OR2L3: variants seen among roughly 807,000 people sequenced by gnomAD.
OR2L3 encodes olfactory receptor 2L3.
For synonymous variants in OR2L3, 131 were observed against 139.1 expected, an observed-to-expected ratio of 0.94 and a Z score of 0.41; for missense variants, 369 against 376.6, an observed-to-expected ratio of 0.98 and a Z score of 0.17.
intron 1 of OR2L3, among the ~76,000 whole-genome samples, chr1:248,057,684 C>T (rs896949149): frequency 6.6e-6 from 1 of 152,056 alleles, no homozygotes; most frequent in Non-Finnish European, 1.5e-5. Flanking sequence ...TCAGCATTTT[C>T]TCATTTTCAA....
intron 1 of OR2L3, among the ~76,000 whole-genome samples, chr1:248,056,848 C>G (rs1296579202): frequency 6.6e-6 from 1 of 152,006 alleles, no homozygotes; most frequent in African/African-American, 2.4e-5. Context: ...CAGGGTTTCA[C>G]TGTGTTGCCC....
intron 1 of OR2L3, among the ~76,000 whole-genome samples, chr1:248,058,165 G>C (rs1275049157): frequency 6.6e-6 from 1 of 152,104 alleles, no homozygotes; most frequent in Non-Finnish European, 1.5e-5. Context: ...CATAGACATG[G>C]TCTCAGCAGA....
intron 1 of OR2L3, among the ~76,000 whole-genome samples, chr1:248,052,578 A>C (rs745843668): frequency 6.6e-6 from 1 of 152,078 alleles, no homozygotes; most frequent in Non-Finnish European, 1.5e-5. Flanking sequence ...AATACAAAAA[A>C]AAATTAGCTG....
chr1:248,053,574 G>A (rs957810534), intron 1 of OR2L3, among the ~76,000 whole-genome samples: 3 of 152,188 alleles, frequency 2.0e-5, no homozygotes, highest in African/African-American at 7.2e-5. Context: ...CCCACCAACA[G>A]TGTGAAAGCA....
At chr1:248,057,909 T>C (rs933776646) in intron 1 of OR2L3, among the ~76,000 whole-genome samples, 1 of 152,212 alleles carries the variant, frequency 6.6e-6, no homozygotes, top group Non-Finnish European at 1.5e-5. Context: ...TTATGTCATA[T>C]GCAAACAGAA....
chr1:248,052,340 G>T (rs953238926), intron 1 of OR2L3, among the ~76,000 whole-genome samples: 2 of 152,140 alleles, frequency 1.3e-5, no homozygotes, highest in East Asian at 3.8e-4. Flanking sequence ...TATATGAGAG[G>T]CTATTTCTTG....
At chr1:248,049,891 C>G (rs1461526574) in intron 1 of OR2L3, among the ~76,000 whole-genome samples, 6 of 152,006 alleles carry the variant, frequency 3.9e-5, no homozygotes, top group Non-Finnish European at 2.9e-5. Context: ...CACATTTATT[C>G]ACAGATATGT....
At chr1:248,053,445 T>C (rs1558200028) in intron 1 of OR2L3, among the ~76,000 whole-genome samples, 2 of 152,198 alleles carry the variant, frequency 1.3e-5, no homozygotes, top group South Asian at 2.1e-4. Context: ...AATAGAATAA[T>C]TTATATTCCT....
At chr1:248,060,426 G>A (rs1663584408) in intron 1 of OR2L3, among the ~76,000 whole-genome samples, 1 of 152,108 alleles carries the variant, frequency 6.6e-6, no homozygotes, top group South Asian at 2.1e-4. Flanking sequence ...GACATAATTT[G>A]TATTATAGTA....
intron 1 of OR2L3, among the ~76,000 whole-genome samples, chr1:248,057,363 C>T (rs771195392): frequency 6.6e-6 from 1 of 152,082 alleles, no homozygotes; most frequent in Non-Finnish European, 1.5e-5. Flanking sequence ...AAATTTTTGT[C>T]GAATTGAACT....
intron 1 of OR2L3, among the ~76,000 whole-genome samples, chr1:248,048,652 G>T (rs898606024): frequency 1.3e-5 from 2 of 152,152 alleles, no homozygotes; most frequent in Non-Finnish European, 2.9e-5. Flanking sequence ...AGCTTTTGCA[G>T]TGAAACTGAC....
chr1:248,058,018 A>G (rs915440326), intron 1 of OR2L3, among the ~76,000 whole-genome samples: 2 of 152,202 alleles, frequency 1.3e-5, no homozygotes, highest in African/African-American at 4.8e-5. Context: ...GTAGATGCAG[A>G]GAAAGTGGAC....
At chr1:248,056,216 C>T (rs1663428659) in intron 1 of OR2L3, among the ~76,000 whole-genome samples, 1 of 151,970 alleles carries the variant, frequency 6.6e-6, no homozygotes, top group Admixed American at 6.6e-5. Context: ...TACATGTGTA[C>T]AACGTGCAGG....
At position 248,061,123 on chromosome 1, in the gene OR2L3, T is replaced by C; in HGVS notation, c.442T>C (p.Trp148Arg). The C allele has an allele frequency of 6.2e-7, 1 of 1,613,864 alleles. No individual in the cohort carries two copies. The highest frequency in any genetic ancestry group is 8.5e-7 in the Non-Finnish European group (1 of 1,179,942). Residue 148 changes from tryptophan (W) to arginine (R), a missense_variant, in exon 2 of 2, where the codon TGG (tryptophan) becomes CGG (arginine). By Grantham distance (101) the Trp-to-Arg change is moderately radical. Coordinates refer to ENST00000359959, the MANE Select transcript of OR2L3 (RefSeq NM_001004687.2). The stretch of plus-strand genomic sequence containing the variant: ...GTGTGTGCTGATGATAACAGGGTCT[T>C]GGATCATAGGCTCGATCAATGCTTG... Reference protein sequence around the residue: ...RMCVLMITGSWIIGSINACAH... With the variant: ...RMCVLMITGSRIIGSINACAH...
chr1:248,061,557 G>A lies in OR2L3; in HGVS notation c.876G>A (p.Arg292=), dbSNP rs772101099. Residue 292 remains arginine, a synonymous_variant, in exon 2 of 2, where the codon AGG becomes AGA. Coordinates refer to ENST00000359959, the MANE Select transcript of OR2L3 (RefSeq NM_001004687.2). ...TCAACCCCATCATCTATAGCCTGAG[G>A]AACAAGGAGGTGATGGGGGCCCTGA... The part of the protein sequence containing the change: ...PMLNPIIYSL[R]NKEVMGALTR... 1.2e-6 allele frequency: 2 copies of A among 1,613,642 alleles called. No individual in the cohort carries two copies. Among genetic ancestry groups the A allele is most frequent in the African/African-American group, 1.3e-5 (1 of 74,834 alleles).
intron 1 of OR2L3, among the ~76,000 whole-genome samples, chr1:248,059,041 C>G (rs1386843157): frequency 6.6e-6 from 1 of 152,190 alleles, no homozygotes; most frequent in Non-Finnish European, 1.5e-5. Flanking sequence ...CGTAACATAT[C>G]ATACATCTCT....
At position 248,058,293 on chromosome 1, in the gene OR2L3, AT is replaced by A. The variant is rs143242293; in HGVS notation, c.-21-2367del. ...CCATGTATTTTCAGACAATACATTC[AT>A]CTGATAATGCTTGATTTTCTATATC... is the stretch of plus-strand genomic sequence containing the variant. On this transcript the variant is annotated intron_variant, in intron 1 of 1. Coordinates refer to ENST00000359959, the MANE Select transcript of OR2L3 (RefSeq NM_001004687.2). Among the ~76,000 whole-genome samples, 900 of 152,276 alleles carry A rather than the reference AT, an allele frequency of 5.9e-3. 17 individuals carry two copies. The highest frequency in any genetic ancestry group is 0.021 in the African/African-American group (862 of 41,546).
At chr1:248,047,518 G>A (rs1341491477) in intron 1 of OR2L3, among the ~76,000 whole-genome samples, 2 of 152,144 alleles carry the variant, frequency 1.3e-5, no homozygotes, top group Non-Finnish European at 2.9e-5. Context: ...AATAATGAAG[G>A]TAACCGTATG....
intron 1 of OR2L3, among the ~76,000 whole-genome samples, chr1:248,047,654 C>G (rs1246430206): frequency 2.0e-5 from 3 of 152,078 alleles, no homozygotes; most frequent in African/African-American, 7.2e-5. Flanking sequence ...AGGTAAACTT[C>G]CAGTGAAATT....
Sources: allele counts gnomAD v4.1 joint callset (sites outside exome capture counted in the v4.1 genomes callset), GRCh38; gene constraint gnomAD v4.1.1; transcripts MANE v1.5; gene names NCBI Gene and HGNC (gene_info 2026-07-23, HGNC 2026-07-21).